Variants in GRID2 observed in about 807,000 individuals in gnomAD.
GRID2 encodes the protein glutamate ionotropic receptor delta type subunit 2, also known as glutamate receptor ionotropic, delta-2.
In GRID2, 33 loss-of-function variants were observed where a neutral mutation model predicts 114.8. The observed-to-expected ratio is 0.29, with a 90% CI of 0.22 to 0.38. GRID2 has a LOEUF of 0.38. Among genes scored for constraint, GRID2 ranks in the 10% least tolerant of loss-of-function variants. The pLI is 1.00. For synonymous variants in GRID2, 505 were observed against 449.9 expected (o/e 1.12, Z -1.55); for missense variants, 1,184 against 1,257.7 (o/e 0.94, Z 0.89).
At chr4:93,397,732 TAA>T (rs1428943957) in intron 9 of GRID2, among the ~76,000 whole-genome samples, 1 of 151,920 alleles carries the variant, frequency 6.6e-6, no homozygotes, top group Non-Finnish European at 1.5e-5. Context: ...TGCAAATTCT[TAA>T]GTTTCTGATA....
At chr4:93,128,044 A>C (rs1035850386) in intron 4 of GRID2, among the ~76,000 whole-genome samples, 1 of 143,466 alleles carries the variant, frequency 7.0e-6, no homozygotes, top group African/African-American at 2.7e-5. Context: ...AAAAAAAAAA[A>C]AAAAAAAAAA....
In GRID2 at chr4:93,442,784, A is replaced by G. The variant is rs77491040; in HGVS notation, c.1546-12878A>G. On this transcript the variant is annotated intron_variant, in intron 10 of 15. Transcript: ENST00000282020. ...TTAACCCAGACCTCTCACCTGAACT[A>G]CAGGCTTTTATTCCTCACAATGCCT... 3.0e-3 allele frequency among the ~76,000 whole-genome samples: 456 copies of G among 152,202 alleles called. 2 individuals carry two copies. Among genetic ancestry groups the G allele is most frequent in the African/African-American group, 0.011 (438 of 41,554 alleles).
intron 13 of GRID2, among the ~76,000 whole-genome samples, chr4:93,532,154 G>C (rs534182712): frequency 3.3e-5 from 5 of 152,148 alleles, no homozygotes; most frequent in Non-Finnish European, 1.5e-5. Flanking sequence ...GATAATGTGT[G>C]TTAAAATATG....
At chr4:93,101,129 G>T (rs1731664441) in intron 3 of GRID2, among the ~76,000 whole-genome samples, 1 of 151,916 alleles carries the variant, frequency 6.6e-6, no homozygotes, top group Non-Finnish European at 1.5e-5. Flanking sequence ...ATTTGTTTAT[G>T]TTTCTTAAAT....
At chr4:92,565,423 G>GACAGTATAAGAAGATCAA (rs1727289474) in intron 1 of GRID2, among the ~76,000 whole-genome samples, 1 of 151,820 alleles carries the variant, frequency 6.6e-6, no homozygotes, top group Non-Finnish European at 1.5e-5. Context: ...CACTTTATAT[G>GACAGTATAAGAAGATCAA]ACAGTATAAG....
intron 2 of GRID2, among the ~76,000 whole-genome samples, chr4:92,634,455 A>G (rs920173208): frequency 6.6e-6 from 1 of 152,240 alleles, no homozygotes; most frequent in Admixed American, 6.6e-5. Flanking sequence ...TTTGCATTTG[A>G]ACAAAATCTG....
Position 93,200,916 on chromosome 4 carries a change from A to G in GRID2, c.736-6488A>G, listed in dbSNP as rs150094358. Among the ~76,000 whole-genome samples, 255 of 152,338 alleles carry G rather than the reference A, an allele frequency of 1.7e-3. 3 individuals carry two copies. Among genetic ancestry groups the G allele is most frequent in the Middle Eastern group, 6.8e-3 (2 of 294 alleles). On this transcript the variant is annotated intron_variant, in intron 4 of 15. Coordinates refer to ENST00000282020, the MANE Select transcript of GRID2 (RefSeq NM_001510.4). ...CTTCTCCTAGAGATCAATAAGGCAC[A>G]TGAACTGAAATGTGAGGAGCTGATA...
At chr4:92,732,818 A>G (rs1422174205) in intron 2 of GRID2, among the ~76,000 whole-genome samples, 5 of 152,140 alleles carry the variant, frequency 3.3e-5, no homozygotes, top group African/African-American at 1.2e-4. Flanking sequence ...TTATAAGTTT[A>G]TAGATTAAGC....
At chr4:92,862,535 A>G (rs1303744921) in intron 2 of GRID2, among the ~76,000 whole-genome samples, 1 of 152,018 alleles carries the variant, frequency 6.6e-6, no homozygotes, top group Non-Finnish European at 1.5e-5. Flanking sequence ...TGGAAACTCA[A>G]AGTAAAAACA....
intron 14 of GRID2, among the ~76,000 whole-genome samples, chr4:93,727,297 T>G (rs1245985513): frequency 6.6e-6 from 1 of 152,212 alleles, no homozygotes; most frequent in Non-Finnish European, 1.5e-5. Context: ...TTTATTGATT[T>G]GCGTATGTTG....
At chr4:92,600,040 GTGTGTATATATATATATATATATATA>G (rs1184418463) in intron 2 of GRID2, among the ~76,000 whole-genome samples, 2 of 70,726 alleles carry the variant, frequency 2.8e-5, no homozygotes, top group African/African-American at 1.1e-4. Context: ...GTGTGTGTGT[GTGTGTATATATATATATATATATATA>G]TATATATATA....
intron 2 of GRID2, among the ~76,000 whole-genome samples, chr4:92,858,520 A>G (rs1044503513): frequency 6.6e-6 from 1 of 152,158 alleles, no homozygotes; most frequent in Non-Finnish European, 1.5e-5. Context: ...AATTGCTGCA[A>G]TCTTATGATA....
chr4:93,473,245 A>G (rs1478501602), intron 11 of GRID2, among the ~76,000 whole-genome samples: 2 of 152,136 alleles, frequency 1.3e-5, no homozygotes, highest in East Asian at 1.9e-4. Flanking sequence ...ATCTTTGTGC[A>G]CATCCATGGT....
intron 10 of GRID2, among the ~76,000 whole-genome samples, chr4:93,443,537 A>C (rs896685287): frequency 1.3e-5 from 2 of 151,886 alleles, no homozygotes; most frequent in African/African-American, 4.8e-5. Context: ...GACATGGCCA[A>C]CTCCACAATT....
At chr4:93,615,222 C>G (rs1741485318) in intron 13 of GRID2, among the ~76,000 whole-genome samples, 2 of 152,174 alleles carry the variant, frequency 1.3e-5, no homozygotes, top group African/African-American at 4.8e-5. Flanking sequence ...ATTCTACAAG[C>G]TTTCTTTTAA....
intron 2 of GRID2, among the ~76,000 whole-genome samples, chr4:92,842,485 T>C (rs754688576): frequency 3.3e-5 from 5 of 152,180 alleles, no homozygotes; most frequent in Non-Finnish European, 5.9e-5. Context: ...GGAAAGTTTA[T>C]ATTTTGTGTT....
At chr4:92,858,795 A>G (rs1277776241) in intron 2 of GRID2, among the ~76,000 whole-genome samples, 1 of 151,950 alleles carries the variant, frequency 6.6e-6, no homozygotes, top group Non-Finnish European at 1.5e-5. Flanking sequence ...CTGATCTTGT[A>G]ATCCGCCTGC....
At chr4:93,154,513 C>T (rs1041084093) in intron 4 of GRID2, among the ~76,000 whole-genome samples, 33 of 151,890 alleles carry the variant, frequency 2.2e-4, no homozygotes, top group Admixed American at 8.6e-4. Context: ...TTGGCTAAAC[C>T]GTTAAACAAT....
chr4:92,318,416 T>A (rs1439330440), intron 1 of GRID2, among the ~76,000 whole-genome samples: 5 of 150,286 alleles, frequency 3.3e-5, no homozygotes, highest in Admixed American at 2.0e-4. Flanking sequence ...TAAGTTGTTT[T>A]CTTTTAGGCC....
Sources: allele counts gnomAD v4.1 joint callset (sites outside exome capture counted in the v4.1 genomes callset), GRCh38; gene constraint gnomAD v4.1.1; transcripts MANE v1.5; gene names NCBI Gene and HGNC (gene_info 2026-07-23, HGNC 2026-07-21).